Variants in SLC2A5 observed in about 807,000 individuals in gnomAD.
The protein encoded by SLC2A5 is solute carrier family 2, facilitated glucose transporter member 5.
Under a neutral mutation model 50.3 loss-of-function variants are expected in SLC2A5, and 56 were observed. The observed-to-expected ratio is 1.11, with a 90% CI of 0.90 to 1.39. The LOEUF (loss-of-function observed/expected upper bound fraction) is 1.39. Among genes scored for constraint, SLC2A5 ranks in the 40% most tolerant of loss-of-function variants. The pLI, the probability that SLC2A5 is intolerant of heterozygous loss-of-function variation, is 0.00. For missense variants in SLC2A5, 566 were observed against 650.1 expected, an observed-to-expected ratio of 0.87 and a Z score of 1.41; for synonymous variants, 269 against 281.9, an observed-to-expected ratio of 0.95 and a Z score of 0.46.
chr1:9,053,172 T>TTTATATATTTATATA (rs1308800989), intron 3 of SLC2A5, among the ~76,000 whole-genome samples: 4 of 91,762 alleles, frequency 4.4e-5, no homozygotes, highest in Non-Finnish European at 5.8e-5. Flanking sequence ...ATTTATATAT[T>TTTATATATTTATATA]TTATATATTT....
chr1:9,043,685 A>C (rs1641363107), intron 4 of SLC2A5, among the ~76,000 whole-genome samples: 1 of 151,268 alleles, frequency 6.6e-6, no homozygotes, highest in Non-Finnish European at 1.5e-5. Context: ...AGGACCTCCC[A>C]GCCAGCCAGT....
At position 9,076,934 on chromosome 1, in the gene SLC2A5, C is replaced by T. The variant is rs375738266; in HGVS notation, c.-58-7340G>A. Among the ~76,000 whole-genome samples the T allele has an allele frequency of 3.3e-3, 494 of 151,774 alleles. 2 individuals are homozygous for T. The highest frequency in any genetic ancestry group is 0.011 in the African/African-American group (471 of 41,484). ...CCTCCCTAGTAGCTGGGATTACAGG[C>T]GCCTGCCACCACGCATGGCTAATTT... On this transcript the variant is annotated intron_variant, in intron 2 of 5. Coordinates refer to the SLC2A5 transcript ENST00000464985.
chr1:9,042,037 C>G, intron 4 of SLC2A5, 100 bp from the exon 5 acceptor site: 1 of 1,431,384 alleles, frequency 7.0e-7, no homozygotes, highest in Non-Finnish European at 9.2e-7. Context: ...TTATTTGGGC[C>G]AGAACTCTCT....
Position 9,040,257 on chromosome 1 carries a change from CG to C in SLC2A5, c.572-69del. ...ACCCCGAAGGCGCCCTCTGCAGAGC[CG>C]GCCCCAGCCCCGTCATCCTGAGTGG... On this transcript the variant is annotated intron_variant, in intron 5 of 11. Coordinates refer to ENST00000377424, the MANE Select transcript of SLC2A5 (RefSeq NM_003039.3). This position sits in a 1 kb window ranked among gnomAD's most constrained non-coding sequence, Gnocchi z 4.3. 1 of 1,512,476 alleles carries C rather than the reference CG, an allele frequency of 6.6e-7. No homozygotes were observed. Among genetic ancestry groups the C allele is most frequent in the Non-Finnish European group, 8.8e-7 (1 of 1,135,616 alleles). The allele number at this position is 1,512,476 out of a possible 1,614,324, so 93.7% of individuals were successfully genotyped here.
chr1:9,042,680 CATGTGT>C (rs1641336842), intron 4 of SLC2A5, among the ~76,000 whole-genome samples: 2 of 148,660 alleles, frequency 1.3e-5, no homozygotes, highest in Non-Finnish European at 3.0e-5. Context: ...GTGTATAGGG[CATGTGT>C]ATGTGTATGT....
Position 9,040,316 on chromosome 1 carries a change from G to T in SLC2A5, c.572-127C>A. On this transcript the variant is annotated intron_variant, in intron 5 of 11. Transcript: ENST00000377424. This position sits in a 1 kb window ranked among gnomAD's most constrained non-coding sequence, Gnocchi z 4.3. ...GCTCCAGGAGGGCACAGCTTTCCCA[G>T]CCCTAAGAACAGCAACTCCCGACGG... The T allele has an allele frequency of 3.3e-6, 4 of 1,220,956 alleles. No homozygotes were observed. Among genetic ancestry groups the T allele is most frequent in the Non-Finnish European group, 4.4e-6 (4 of 901,232 alleles). 75.6% of individuals were successfully genotyped at this position (1,220,956 alleles called of 1,614,324 possible).
chr1:9,062,865 C>G (rs1426127062), intron 1 of SLC2A5, among the ~76,000 whole-genome samples: 1 of 151,784 alleles, frequency 6.6e-6, no homozygotes, highest in Non-Finnish European at 1.5e-5. Flanking sequence ...GAGCAAGACT[C>G]TGTCTCAAAA....
intron 2 of SLC2A5, among the ~76,000 whole-genome samples, chr1:9,080,016 G>A (rs963629073): frequency 1.3e-5 from 2 of 152,106 alleles, no homozygotes; most frequent in African/African-American, 2.4e-5. Context: ...CTGCTTCTAC[G>A]AATTTGGGCA....
At chr1:9,063,530 G>A (rs560002095) in intron 1 of SLC2A5, among the ~76,000 whole-genome samples, 5 of 151,106 alleles carry the variant, frequency 3.3e-5, no homozygotes, top group African/African-American at 1.2e-4. Flanking sequence ...ATGCCACCAC[G>A]CCTGGCTAAT....
At position 9,057,481 on chromosome 1, in the gene SLC2A5, A is replaced by G; in HGVS notation, c.260T>C (p.Leu87Pro). The change falls in exon 3 of 12, where the codon CTC becomes CCC. Residue 87 changes from leucine to proline, a missense_variant. Leu to Pro is a moderately conservative substitution (Grantham distance 98). Transcript: ENST00000377424. ...TTTATTCACCAAGGGGCCGACCAGG[A>G]GGGATCCGATAAACCCTCCAAATGG... ...MFPFGGFIGS[L>P]LVGPLVNKFG... 1 of 1,613,930 alleles carries G rather than the reference A, an allele frequency of 6.2e-7. No individual in the cohort carries two copies. The highest frequency in any genetic ancestry group is 1.7e-5 in the Admixed American group (1 of 59,950).
chr1:9,053,665 G>A (rs2124387967), intron 3 of SLC2A5, among the ~76,000 whole-genome samples: 1 of 145,372 alleles, frequency 6.9e-6, no homozygotes, highest in Admixed American at 7.6e-5. Context: ...CTTGAGGTCA[G>A]GAGTTCAAGA....
rs1278643945 is a variant in SLC2A5 at position 9,069,567 on chromosome 1, C to A, written c.-31G>T. ...CTCTGGAAGGGCAGAGTGCCGCTCA[C>A]CTCCTTTTAGCCAAAGTAACGCGTG... On this transcript the variant is annotated 5_prime_UTR_variant, in exon 1 of 12. Transcript: ENST00000377424. 6.2e-7 allele frequency: 1 copy of A among 1,613,618 alleles called. No individual in the cohort carries two copies. The highest frequency in any genetic ancestry group is 1.3e-5 in the African/African-American group (1 of 74,938).
chr1:9,075,550 C>T (rs769336604), intron 2 of SLC2A5, among the ~76,000 whole-genome samples: 1 of 152,186 alleles, frequency 6.6e-6, no homozygotes, highest in Admixed American at 6.5e-5. Context: ...GTTGTCACTC[C>T]CCTGTGACCC....
At chr1:9,053,287 G>GTATTTATATATTA (rs1557670211) in intron 3 of SLC2A5, among the ~76,000 whole-genome samples, 102 of 3,886 alleles carry the variant, frequency 0.026, 22 homozygotes, top group Admixed American at 0.035. Flanking sequence ...TTTATATATT[G>GTATTTATATATTA]TATATTTATA....
At chr1:9,052,449 A>C (rs1641603262) in intron 3 of SLC2A5, among the ~76,000 whole-genome samples, 1 of 152,068 alleles carries the variant, frequency 6.6e-6, no homozygotes, top group Admixed American at 6.6e-5. Context: ...GGGCAGTGAA[A>C]CTACTCTATA....
At position 9,057,594 on chromosome 1, in the gene SLC2A5, A is replaced by C. The variant is rs777932709; in HGVS notation, c.147T>G (p.Phe49Leu). ...VNSPALLMQQ[F>L]YNETYYGRTG... The stretch of plus-strand genomic sequence containing the variant: ...TCCTACCATAGTAAGTCTCATTGTA[A>C]AATTGTTGCATGAGCTAGGAGACAA... Residue 49 changes from phenylalanine (F) to leucine (L), a missense_variant, in exon 3 of 12, where the codon TTT becomes TTG. Physicochemically the swap from Phe to Leu is conservative, Grantham distance 22. Coordinates refer to ENST00000377424, the MANE Select transcript of SLC2A5 (RefSeq NM_003039.3). The C allele has an allele frequency of 9.4e-5, 151 of 1,611,832 alleles. No homozygotes were observed. The highest frequency in any genetic ancestry group is 1.2e-4 in the Non-Finnish European group (147 of 1,179,434).
chr1:9,065,940 C>A (rs974723931), intron 1 of SLC2A5, among the ~76,000 whole-genome samples: 3 of 146,598 alleles, frequency 2.0e-5, no homozygotes, highest in Non-Finnish European at 3.1e-5. Flanking sequence ...CCAGACCCTG[C>A]CTCAAAAAAA....
intron 1 of SLC2A5, among the ~76,000 whole-genome samples, chr1:9,067,249 C>T (rs1642106549): frequency 6.6e-6 from 1 of 152,222 alleles, no homozygotes; most frequent in Admixed American, 6.5e-5. Flanking sequence ...CAGCACGCCC[C>T]AGCTTTCTCC....
At chr1:9,038,097 C>T (rs1325366248) in intron 10 of SLC2A5, 73 bp from the exon 11 acceptor site, 2 of 1,553,328 alleles carry the variant, frequency 1.3e-6, no homozygotes, top group South Asian at 1.2e-5. Flanking sequence ...CATGCAGACC[C>T]ACCAGGTAGC....
Sources: allele counts gnomAD v4.1 joint callset (sites outside exome capture counted in the v4.1 genomes callset), GRCh38; gene constraint gnomAD v4.1.1; non-coding constraint Gnocchi (gnomAD v3.1); transcripts MANE v1.5; gene names NCBI Gene and HGNC (gene_info 2026-07-23, HGNC 2026-07-21).